Variants in TPCN1 observed in about 807,000 individuals in gnomAD.
TPCN1 encodes two pore segment channel 1.
Under a neutral mutation model 108.8 loss-of-function variants are expected in TPCN1, and 52 were observed. The ratio of observed to expected loss-of-function variants is 0.48; its 90% CI spans 0.38 to 0.60. TPCN1 has a LOEUF of 0.60. Ranked by LOEUF, TPCN1 falls within the 20% of genes least tolerant of loss-of-function variation. TPCN1 has a pLI of 0.00. For synonymous variants in TPCN1, 446 were observed against 433.7 expected (o/e 1.03, Z -0.35); for missense variants, 806 against 1,072.8 (o/e 0.75, Z 3.47).
intron 18 of TPCN1, among the ~76,000 whole-genome samples, chr12:113,286,545 G>C (rs796091173): frequency 7.2e-6 from 1 of 138,050 alleles, no homozygotes; most frequent in Non-Finnish European, 1.6e-5. Flanking sequence ...CTGTTCTCCC[G>C]ATGGGAATCT....
rs140458256 is a variant in TPCN1, at chr12:113,273,504, G to C, written c.843-65G>C. On this transcript the variant is annotated intron_variant, in intron 9 of 27. Transcript: ENST00000335509. This position sits in a 1 kb window ranked among gnomAD's most constrained non-coding sequence, Gnocchi z 4.0. ...CAGACAAGGAGCTGTCCTCTGCAAG[G>C]CATGTGCTCTGAGAGGATGGAGACA... 8 of 1,368,048 alleles carry C rather than the reference G, an allele frequency of 5.8e-6. No individual in the cohort carries two copies. The highest frequency in any genetic ancestry group is 4.3e-5 in the African/African-American group (3 of 69,794). 84.7% of individuals were successfully genotyped at this position (1,368,048 alleles called of 1,614,324 possible).
intron 3 of TPCN1, among the ~76,000 whole-genome samples, chr12:113,265,771 T>C (rs1566172168): frequency 6.6e-6 from 1 of 152,040 alleles, no homozygotes; most frequent in Non-Finnish European, 1.5e-5. Context: ...GTGTTGGGAT[T>C]ACAGGCATGA....
chr12:113,251,156 C>T (rs1185754679), intron 2 of TPCN1, among the ~76,000 whole-genome samples: 2 of 151,698 alleles, frequency 1.3e-5, no homozygotes, highest in Admixed American at 6.6e-5. Flanking sequence ...AAAAAATTAG[C>T]TGGGCATGGT....
intron 2 of TPCN1, among the ~76,000 whole-genome samples, chr12:113,238,892 A>G (rs1953995434): frequency 6.6e-6 from 1 of 152,178 alleles, no homozygotes; most frequent in Non-Finnish European, 1.5e-5. Context: ...GCACTTTGGG[A>G]GACCAAGGCG....
At chr12:113,246,940 T>G (rs569617345) in intron 2 of TPCN1, among the ~76,000 whole-genome samples, 1 of 152,104 alleles carries the variant, frequency 6.6e-6, no homozygotes, top group Non-Finnish European at 1.5e-5. Context: ...TTCCTGTGCT[T>G]TCTGTGCCTG....
At position 113,269,381 on chromosome 12, in the gene TPCN1, G is replaced by T. The variant is rs939126421; in HGVS notation, c.660-376G>T. Among the ~76,000 whole-genome samples the T allele has an allele frequency of 1.3e-5, 2 of 152,186 alleles. No homozygotes were observed. Among genetic ancestry groups the T allele is most frequent in the South Asian group, 2.1e-4 (1 of 4,824 alleles). On this transcript the variant is annotated intron_variant, in intron 6 of 27. Transcript: ENST00000335509. The surrounding 1 kb of genome is among the most constrained non-coding windows in gnomAD (Gnocchi z 5.0). ...ACAGGACTCAGTGTCCTTGAAACAG[G>T]CCCAGTGTCCCAGGACTAAGTGGCC...
intron 2 of TPCN1, chr12:113,249,406 G>T (rs1003270627): frequency 1.3e-5 from 2 of 152,266 alleles, no homozygotes; most frequent in Non-Finnish European, 2.9e-5. Context: ...ATGAAGGAAA[G>T]CTCTGGATGG....
chr12:113,290,106 T>A, intron 21 of TPCN1, 22 bp from the exon 22 acceptor site: 1 of 1,517,936 alleles, frequency 6.6e-7, no homozygotes, highest in Non-Finnish European at 9.0e-7. Flanking sequence ...CCTCCCTCCT[T>A]TCTCCCTTGT....
Position 113,292,936 on chromosome 12 carries a change from G to C in TPCN1, c.2116G>C (p.Asp706His). The change falls in exon 26 of 28, where the codon GAT (aspartate) becomes CAT (histidine). Residue 706 changes from aspartate to histidine, a missense_variant and splice_region_variant. By Grantham distance (81) the Asp-to-His change is moderately conservative. Transcript: ENST00000335509. ...YSRKNQDSEV[D>H]GGITLEKEIS... ...ACACCTGCCTTCCATCCCTGCAGTTGATGGTGGCATCACCCTTGAGAAGGA... is the reference window on the plus strand; with the variant it reads ...ACACCTGCCTTCCATCCCTGCAGTTCATGGTGGCATCACCCTTGAGAAGGA... 6.2e-7 allele frequency: 1 copy of C among 1,611,752 alleles called. No homozygotes were observed. Among genetic ancestry groups the C allele is most frequent in the Non-Finnish European group, 8.5e-7 (1 of 1,179,502 alleles).
At chr12:113,255,442 G>A (rs1167029412) in intron 2 of TPCN1, among the ~76,000 whole-genome samples, 1 of 151,820 alleles carries the variant, frequency 6.6e-6, no homozygotes, top group Non-Finnish European at 1.5e-5. Flanking sequence ...GTTTTTAAGA[G>A]TCTCCCCAAT....
chr12:113,233,689 C>T (rs61943587), intron 2 of TPCN1, among the ~76,000 whole-genome samples: 8,814 of 152,256 alleles, frequency 0.058, 354 homozygotes, highest in Middle Eastern at 0.071. Flanking sequence ...TAATCATGGC[C>T]TGTGGGTGTT....
rs567667962 is a variant in TPCN1, at chr12:113,276,276, A to G, written c.943-643A>G. The stretch of plus-strand genomic sequence containing the variant: ...TTTCCCTTAAAACATTTTTAAAGAC[A>G]GAGAAAGTGTTTCTAAAAAGGATTC... On this transcript the variant is annotated intron_variant, in intron 10 of 27. Transcript: ENST00000335509. 5.1e-4 allele frequency among the ~76,000 whole-genome samples: 78 copies of G among 152,360 alleles called. 2 individuals are homozygous for G. The South Asian group carries it at 0.015, about 30-fold the overall frequency.
At position 113,268,319 on chromosome 12, in the gene TPCN1, A is replaced by G. The variant is rs1253291723; in HGVS notation, c.528+363A>G. Among the ~76,000 whole-genome samples the G allele has an allele frequency of 6.6e-6, 1 of 152,212 alleles. No homozygotes were observed. Among genetic ancestry groups the G allele is most frequent in the African/African-American group, 2.4e-5 (1 of 41,436 alleles). On this transcript the variant is annotated intron_variant, in intron 5 of 27. Transcript: ENST00000335509. The surrounding 1 kb of genome is among the most constrained non-coding windows in gnomAD (Gnocchi z 7.3). ...GTTGCGCATATTCTCTCTGTGCCACAGAGAGTGGCATGAGTAAGAGCACGT... is the reference window on the plus strand; with the variant it reads ...GTTGCGCATATTCTCTCTGTGCCACGGAGAGTGGCATGAGTAAGAGCACGT...
intron 7 of TPCN1, among the ~76,000 whole-genome samples, chr12:113,271,257 A>G (rs1402637236): frequency 6.6e-6 from 1 of 152,190 alleles, no homozygotes; most frequent in African/African-American, 2.4e-5. Flanking sequence ...AGCCTGGGCA[A>G]CAGAGCAAGA....
intron 2 of TPCN1, among the ~76,000 whole-genome samples, chr12:113,254,532 A>G (rs571249570): frequency 6.6e-6 from 1 of 152,388 alleles, no homozygotes; most frequent in African/African-American, 2.4e-5. Flanking sequence ...CAATCATTGT[A>G]ATTCACTATA....
At chr12:113,230,785 A>G (rs957487223) in intron 2 of TPCN1, among the ~76,000 whole-genome samples, 2 of 152,198 alleles carry the variant, frequency 1.3e-5, no homozygotes, top group Non-Finnish European at 2.9e-5. Context: ...CACATAGCTC[A>G]GTGCCCACAA....
intron 13 of TPCN1, 127 bp from the exon 14 acceptor site, chr12:113,278,645 T>A (rs1955756315): frequency 1.4e-6 from 1 of 725,840 alleles, no homozygotes; most frequent in Non-Finnish European, 2.4e-6. Flanking sequence ...GTCATGTAGA[T>A]CCCTGAAGGT....
intron 15 of TPCN1, among the ~76,000 whole-genome samples, chr12:113,283,397 G>A (rs183342307): frequency 2.3e-4 from 35 of 152,140 alleles, no homozygotes; most frequent in African/African-American, 8.4e-4. Flanking sequence ...CACTTTGGAA[G>A]GCAGAGGCAG....
chr12:113,271,154 G>A (rs1955484154), intron 7 of TPCN1, among the ~76,000 whole-genome samples: 1 of 152,072 alleles, frequency 6.6e-6, no homozygotes, highest in Non-Finnish European at 1.5e-5. Context: ...GCATGCACCT[G>A]TGGTCCCTGC....
Sources: allele counts gnomAD v4.1 joint callset (sites outside exome capture counted in the v4.1 genomes callset), GRCh38; gene constraint gnomAD v4.1.1; non-coding constraint Gnocchi (gnomAD v3.1); transcripts MANE v1.5; gene names NCBI Gene and HGNC (gene_info 2026-07-23, HGNC 2026-07-21).